SHISA9: variants seen among roughly 807,000 people sequenced by gnomAD.
SHISA9 encodes the protein protein shisa-9.
A neutral mutation model predicts 38.0 loss-of-function variants in SHISA9; 13 were observed. That is an observed-to-expected ratio of 0.34 (90% CI 0.22 to 0.54). SHISA9 has a LOEUF of 0.54. Ranked by LOEUF, SHISA9 falls within the 20% of genes least tolerant of loss-of-function variation. The pLI is 0.91. For missense variants in SHISA9, 538 were observed against 575.8 expected, an observed-to-expected ratio of 0.93 and a Z score of 0.67; for synonymous variants, 275 against 242.0, an observed-to-expected ratio of 1.14 and a Z score of -1.27.
At chr16:13,037,022 A>T (rs549314395) in intron 2 of SHISA9, among the ~76,000 whole-genome samples, 1 of 150,746 alleles carries the variant, frequency 6.6e-6, no homozygotes, top group African/African-American at 2.4e-5. Flanking sequence ...ATTGTTCTCA[A>T]TGTAATTTTG....
chr16:13,550,994 G>A, the SHISA9 span, among the ~76,000 whole-genome samples: 74 of 152,140 alleles, frequency 4.9e-4, no homozygotes, highest in African/African-American at 1.7e-3. Flanking sequence ...ATGTTGGTGG[G>A]TGCCTGTAAT....
chr16:13,273,385 A>T, the SHISA9 span, among the ~76,000 whole-genome samples: 1 of 152,122 alleles, frequency 6.6e-6, no homozygotes, highest in Non-Finnish European at 1.5e-5. Context: ...GGTGGGAGGT[A>T]ATTGAATCAT....
At chr16:13,063,899 G>T (rs369625575) in intron 2 of SHISA9, among the ~76,000 whole-genome samples, 10 of 152,276 alleles carry the variant, frequency 6.6e-5, no homozygotes, top group African/African-American at 2.4e-4. Context: ...GCCAGGCTGG[G>T]CTCTTGTCTC....
chr16:12,942,978 A>T (rs1434960801), intron 2 of SHISA9, among the ~76,000 whole-genome samples: 1 of 152,112 alleles, frequency 6.6e-6, no homozygotes, highest in African/African-American at 2.4e-5. Context: ...GTTTTCAGAC[A>T]GGCTCTTTCC....
intron 2 of SHISA9, among the ~76,000 whole-genome samples, chr16:13,066,188 T>C (rs2073432812): frequency 6.6e-6 from 1 of 152,202 alleles, no homozygotes; most frequent in Non-Finnish European, 1.5e-5. Flanking sequence ...GGCACTTTTC[T>C]CGGCCTGGGT....
the SHISA9 span, among the ~76,000 whole-genome samples, chr16:13,271,415 A>G: frequency 2.6e-5 from 4 of 152,292 alleles, no homozygotes; most frequent in South Asian, 8.3e-4. Flanking sequence ...AATTTAAAAA[A>G]GCACTCAGGT....
chr16:13,438,709 TGTAACC>T, the SHISA9 span, among the ~76,000 whole-genome samples: 1 of 152,188 alleles, frequency 6.6e-6, no homozygotes, highest in African/African-American at 2.4e-5. Context: ...GTGAAGACTA[TGTAACC>T]GCTGGAGAAG....
the SHISA9 span, among the ~76,000 whole-genome samples, chr16:13,486,527 G>A: frequency 4.3e-3 from 660 of 152,140 alleles, 4 homozygotes; most frequent in African/African-American, 0.015. Context: ...TAGACTTCTC[G>A]CCAACACATT....
At chr16:13,225,106 C>G (rs981454966) in intron 4 of SHISA9, among the ~76,000 whole-genome samples, 1 of 152,100 alleles carries the variant, frequency 6.6e-6, no homozygotes, top group Non-Finnish European at 1.5e-5. Context: ...CACACGCACA[C>G]ACACATACAC....
chr16:13,370,838 G>A, the SHISA9 span, among the ~76,000 whole-genome samples: 1 of 152,064 alleles, frequency 6.6e-6, no homozygotes, highest in African/African-American at 2.4e-5. Flanking sequence ...GAATGGAGTG[G>A]ACTCAATAAA....
At chr16:13,046,929 C>T (rs986939046) in intron 2 of SHISA9, among the ~76,000 whole-genome samples, 1 of 152,108 alleles carries the variant, frequency 6.6e-6, no homozygotes, top group African/African-American at 2.4e-5. Context: ...GATTATTTAC[C>T]CCTCATGATC....
the SHISA9 span, among the ~76,000 whole-genome samples, chr16:13,328,364 T>C: frequency 6.6e-6 from 1 of 152,124 alleles, no homozygotes; most frequent in African/African-American, 2.4e-5. Context: ...ACCAGGGGGT[T>C]TGAACCTCCC....
At chr16:13,407,778 C>G in the SHISA9 span, among the ~76,000 whole-genome samples, 2 of 151,972 alleles carry the variant, frequency 1.3e-5, no homozygotes, top group African/African-American at 4.8e-5. Context: ...GTTTTCCTCC[C>G]TGATGAAAAA....
the SHISA9 span, among the ~76,000 whole-genome samples, chr16:13,512,833 C>A: frequency 6.6e-6 from 1 of 152,176 alleles, no homozygotes; most frequent in Admixed American, 6.5e-5. Flanking sequence ...TGGACCCCAT[C>A]CTTATACCGT....
chr16:13,469,302 CAGAGAG>C, the SHISA9 span, among the ~76,000 whole-genome samples: 319 of 46,524 alleles, frequency 6.9e-3, 9 homozygotes, highest in South Asian at 0.012. Context: ...GAAAGAAAGA[CAGAGAG>C]AGAGAGAGAG....
intron 2 of SHISA9, among the ~76,000 whole-genome samples, chr16:13,063,924 C>T (rs2073404775): frequency 6.6e-6 from 1 of 152,224 alleles, no homozygotes; most frequent in African/African-American, 2.4e-5. Context: ...TTCCGACTCC[C>T]ACACCAGCCC....
chr16:13,028,482 G>A (rs1378064113), intron 2 of SHISA9, among the ~76,000 whole-genome samples: 1 of 152,178 alleles, frequency 6.6e-6, no homozygotes, highest in Non-Finnish European at 1.5e-5. Context: ...GCAGGCAAGA[G>A]AGAAGGAGAG....
intron 2 of SHISA9, among the ~76,000 whole-genome samples, chr16:13,019,904 T>C (rs1165910690): frequency 7.3e-5 from 4 of 54,848 alleles, no homozygotes; most frequent in African/African-American, 2.2e-4. Context: ...TCTTTCTTTC[T>C]TTCTTTCTTT....
intron 2 of SHISA9, among the ~76,000 whole-genome samples, chr16:13,001,943 G>A (rs1233083867): frequency 6.6e-6 from 1 of 152,168 alleles, no homozygotes; most frequent in African/African-American, 2.4e-5. Flanking sequence ...TGTGTATTGA[G>A]TGTTCACTGT....
Sources: allele counts gnomAD v4.1 joint callset (sites outside exome capture counted in the v4.1 genomes callset), GRCh38; gene constraint gnomAD v4.1.1; transcripts MANE v1.5; gene names NCBI Gene and HGNC (gene_info 2026-07-23, HGNC 2026-07-21).